The following SEMA3A variants were observed in gnomAD, a reference collection of about 807,000 sequenced individuals.
SEMA3A encodes semaphorin 3A.
SEMA3A carries 29 observed loss-of-function variants against 97.9 expected under a neutral mutation model. That is an observed-to-expected ratio of 0.30 (90% CI 0.22 to 0.40). The LOEUF (loss-of-function observed/expected upper bound fraction) is 0.40. Among genes scored for constraint, SEMA3A ranks in the 10% least tolerant of loss-of-function variants. The pLI, the probability that SEMA3A is intolerant of heterozygous loss-of-function variation, is 1.00. For synonymous variants in SEMA3A, 321 were observed against 323.7 expected (o/e 0.99, Z 0.09); for missense variants, 763 against 951.3 (o/e 0.80, Z 2.60).
At chr7:84,184,023 A>G (rs1797805742) in intron 1 of SEMA3A, among the ~76,000 whole-genome samples, 1 of 152,180 alleles carries the variant, frequency 6.6e-6, no homozygotes, top group Non-Finnish European at 1.5e-5. Context: ...TGATGTTTAT[A>G]TAGTTGTGAA....
intron 5 of SEMA3A, among the ~76,000 whole-genome samples, chr7:84,051,488 C>T (rs1792650811): frequency 1.3e-5 from 2 of 152,110 alleles, no homozygotes; most frequent in Admixed American, 6.5e-5. Flanking sequence ...AATGGGAGTT[C>T]ACTCATGATT....
intron 2 of SEMA3A, among the ~76,000 whole-genome samples, chr7:84,366,793 G>A (rs1802858291): frequency 6.6e-6 from 1 of 151,296 alleles, no homozygotes; most frequent in Non-Finnish European, 1.5e-5. Context: ...GTGTTTTAAA[G>A]TGATAGGCAT....
chr7:84,305,253 A>AT (rs1801124526), intron 3 of SEMA3A, among the ~76,000 whole-genome samples: 1 of 150,752 alleles, frequency 6.6e-6, no homozygotes, highest in South Asian at 2.1e-4. Flanking sequence ...AAAAAAAAAA[A>AT]GCAAAAATAG....
intron 3 of SEMA3A, among the ~76,000 whole-genome samples, chr7:84,237,021 G>A (rs1799251593): frequency 6.6e-6 from 1 of 151,952 alleles, no homozygotes; most frequent in African/African-American, 2.4e-5. Context: ...AGGAAGGGAA[G>A]GAAGTTAAAC....
At chr7:84,343,272 G>C (rs976271185) in intron 2 of SEMA3A, among the ~76,000 whole-genome samples, 3 of 152,182 alleles carry the variant, frequency 2.0e-5, no homozygotes, top group Non-Finnish European at 4.4e-5. Flanking sequence ...TAGTTGAATT[G>C]TGAGTGTATT....
Position 84,048,275 on chromosome 7 carries a change from C to T in SEMA3A, c.548-1832G>A, listed in dbSNP as rs183524650. Among the ~76,000 whole-genome samples, 3 of 151,892 alleles carry T rather than the reference C, an allele frequency of 2.0e-5. No individual in the cohort carries two copies. The East Asian group carries it at 5.8e-4, about 29-fold the overall frequency. ...CTGAATTGCTCTCACTAAAATATGC[C>T]TTTATTTTTAGAAATAGCCCTTTTC... On this transcript the variant is annotated intron_variant, in intron 5 of 16. Transcript: ENST00000265362.
chr7:84,157,519 T>G (rs1283234364), intron 1 of SEMA3A, among the ~76,000 whole-genome samples: 1 of 152,126 alleles, frequency 6.6e-6, no homozygotes, highest in Non-Finnish European at 1.5e-5. Flanking sequence ...GGGAAAACAT[T>G]AAAAGGTGGG....
At chr7:84,167,018 T>C (rs148691651) in intron 1 of SEMA3A, among the ~76,000 whole-genome samples, 42 of 152,314 alleles carry the variant, frequency 2.8e-4, no homozygotes, top group African/African-American at 9.6e-4. Flanking sequence ...GAATACTTGC[T>C]GAATGAATGA....
intron 4 of SEMA3A, among the ~76,000 whole-genome samples, chr7:84,066,107 T>G (rs1793479004): frequency 6.6e-6 from 1 of 151,572 alleles, no homozygotes; most frequent in Non-Finnish European, 1.5e-5. Context: ...GATGCAAGGC[T>G]GGTTTAATAT....
At chr7:84,397,025 C>A (rs1803754748) in intron 1 of SEMA3A, among the ~76,000 whole-genome samples, 1 of 151,754 alleles carries the variant, frequency 6.6e-6, no homozygotes, top group South Asian at 2.1e-4. Flanking sequence ...ACATAAATGG[C>A]AACATGACAA....
intron 2 of SEMA3A, among the ~76,000 whole-genome samples, chr7:84,316,170 G>C (rs552389717): frequency 7.9e-6 from 1 of 126,966 alleles, no homozygotes; most frequent in African/African-American, 2.9e-5. Flanking sequence ...AGTGCTCCCT[G>C]TTTTCAAACT....
chr7:84,303,586 T>A (rs754046776), intron 3 of SEMA3A, among the ~76,000 whole-genome samples: 77 of 152,082 alleles, frequency 5.1e-4, no homozygotes, highest in Middle Eastern at 3.4e-3. Flanking sequence ...TAAATACAGA[T>A]AGTCCCCGAC....
At position 84,313,356 on chromosome 7, in the gene SEMA3A, GTATATATATATATATATATATATA is replaced by G. The variant is rs869145201; in HGVS notation, c.-168-6088_-168-6065del. Among the ~76,000 whole-genome samples, 196 of 23,056 alleles carry G rather than the reference GTATATATATATATATATATATATA, an allele frequency of 8.5e-3. 8 individuals are homozygous for G. Among genetic ancestry groups the G allele is most frequent in the East Asian group, 0.027 (14 of 516 alleles). The allele number at this position is 23,056 out of a possible 152,430, so 15.1% of individuals were successfully genotyped here. ...TATATATATATGTATATGTGTGTGT[GTATATATATATATATATATATATA>G]TATATATATATATATATATATATAT... On this transcript the variant is annotated intron_variant, in intron 2 of 3. Transcript: ENST00000424555.
chr7:84,054,463 A>G (rs1353870210), intron 5 of SEMA3A, among the ~76,000 whole-genome samples: 1 of 151,844 alleles, frequency 6.6e-6, no homozygotes, highest in South Asian at 2.1e-4. Context: ...TTCATCTTCC[A>G]TCGCTGATAC....
At chr7:84,467,256 C>G (rs947729797) in intron 1 of SEMA3A, among the ~76,000 whole-genome samples, 1 of 152,094 alleles carries the variant, frequency 6.6e-6, no homozygotes, top group African/African-American at 2.4e-5. Context: ...GGCGCAGTGC[C>G]TCATGCCTGT....
At chr7:84,121,347 T>C (rs1437129213) in intron 3 of SEMA3A, among the ~76,000 whole-genome samples, 4 of 151,790 alleles carry the variant, frequency 2.6e-5, no homozygotes, top group Admixed American at 2.6e-4. Flanking sequence ...TCTCCTAATG[T>C]TATCCCTCCC....
In SEMA3A at chr7:83,956,244, T is replaced by C. The variant is rs183453796; in HGVS notation, c.*5127A>G. 7 of 152,144 alleles carry C rather than the reference T, an allele frequency of 4.6e-5. No homozygotes were observed. Among genetic ancestry groups the C allele is most frequent in the African/African-American group, 1.7e-4 (7 of 41,440 alleles). The allele number at this position is 152,144 out of a possible 1,614,324, so 9.4% of individuals were successfully genotyped here. On this transcript the variant is annotated 3_prime_UTR_variant, in exon 17 of 17. Coordinates refer to ENST00000265362, the MANE Select transcript of SEMA3A (RefSeq NM_006080.3). ...AGTCTTGTTTGTGAGCCACCTTGCTTTTTAGCAAGGCAATGTTGGAACTCA... is the reference window on the plus strand; with the variant it reads ...AGTCTTGTTTGTGAGCCACCTTGCTCTTTAGCAAGGCAATGTTGGAACTCA...
chr7:84,045,308 A>G (rs1792305722), intron 6 of SEMA3A, among the ~76,000 whole-genome samples: 1 of 151,976 alleles, frequency 6.6e-6, no homozygotes, highest in South Asian at 2.1e-4. Flanking sequence ...ATTATGTAAA[A>G]CCAGGAAAAA....
intron 5 of SEMA3A, among the ~76,000 whole-genome samples, chr7:84,055,905 T>A (rs1792954833): frequency 6.6e-6 from 1 of 152,188 alleles, no homozygotes; most frequent in Non-Finnish European, 1.5e-5. Flanking sequence ...AAGCCAATTG[T>A]GAAAGAAATA....
Sources: gnomAD v4.1 joint callset for allele counts (sites outside exome capture counted in the v4.1 genomes callset) on GRCh38, gnomAD v4.1.1 for gene constraint, MANE v1.5 for transcripts, NCBI Gene and HGNC (gene_info 2026-07-23, HGNC 2026-07-21) for gene names.